Variants in CEP192 observed in about 807,000 individuals in gnomAD.
The protein encoded by CEP192 is centrosomal protein of 192 kDa.
Under a neutral mutation model 271.8 loss-of-function variants are expected in CEP192, and 151 were observed. That is an observed-to-expected ratio of 0.56 (90% CI 0.49 to 0.64). The LOEUF is 0.64. Among genes scored for constraint, CEP192 ranks in the 30% least tolerant of loss-of-function variants. The pLI is 0.00. For synonymous variants in CEP192, 995 were observed against 1,076.5 expected (o/e 0.92, Z 1.48); for missense variants, 2,910 against 3,020.5 (o/e 0.96, Z 0.86).
chr18:13,052,947 G>T lies in CEP192; in HGVS notation c.3046G>T (p.Ala1016Ser). Residue 1016 changes from alanine (A) to serine (S), a missense_variant, in exon 18 of 45, where the codon GCT (alanine) becomes TCT (serine). By Grantham distance (99) the Ala-to-Ser change is moderately conservative (BLOSUM62 1). Transcript: ENST00000506447. Reference sequence around the variant, plus strand: ...TGCGTTAGAGTCCTTTGGTTCAGCAGCTCAGCAGCAGCAGCCTCCCTGTGA... The same window carrying T: ...TGCGTTAGAGTCCTTTGGTTCAGCATCTCAGCAGCAGCAGCCTCCCTGTGA... ...GCALESFGSAAQQQQPPCEQE... is the reference protein window; with the variant it reads ...GCALESFGSASQQQQPPCEQE... 1 of 1,611,536 alleles carries T rather than the reference G, an allele frequency of 6.2e-7. No individual in the cohort carries two copies. Among genetic ancestry groups the T allele is most frequent in the Non-Finnish European group, 8.5e-7 (1 of 1,178,554 alleles).
chr18:13,104,890 G>A, intron 39 of CEP192, 94 bp from the exon 40 acceptor site: 4 of 925,434 alleles, frequency 4.3e-6, no homozygotes, highest in South Asian at 4.1e-5. Context: ...AAGTGTGTTG[G>A]TGTGTTCTCC....
At chr18:13,089,643 T>C in intron 33 of CEP192, 78 bp downstream of exon 33, 3 of 699,994 alleles carry the variant, frequency 4.3e-6, no homozygotes, top group Non-Finnish European at 7.3e-6. Flanking sequence ...TGATGTGATA[T>C]AAGAAGGAAG....
chr18:13,089,682 GT>G (rs1475661825), intron 33 of CEP192, 117 bp downstream of exon 33: 4 of 568,028 alleles, frequency 7.0e-6, no homozygotes, highest in Non-Finnish European at 1.3e-5. Flanking sequence ...GTCAGGCAGA[GT>G]TTGAGCCACA....
rs906783882 is a variant in CEP192, at chr18:13,015,417, T to C, written c.609T>C (p.Leu203=). 2 of 1,551,340 alleles carry C rather than the reference T, an allele frequency of 1.3e-6. No homozygotes were observed. Among genetic ancestry groups the C allele is most frequent in the African/African-American group, 2.7e-5 (2 of 73,040 alleles). ...CTAGCTTATTAGAAAATGAGAAACT[T>C]ATCTTACCGACAAGCTTGGAAGATT... ...SHTSLLENEK[L]ILPTSLEDSS... is the part of the protein sequence containing the mutation. The change falls in exon 6 of 45, where the codon CTT becomes CTC. Residue 203 remains leucine (L), a synonymous_variant. Transcript: ENST00000506447.
Position 13,030,514 on chromosome 18 carries a change from G to A in CEP192, c.1440G>A (p.Trp480Ter). Residue 480 changes from tryptophan (W) to a stop codon, truncating the protein, a stop_gained, in exon 11 of 45, where the codon TGG becomes TGA. Transcript: ENST00000506447. LOFTEE classifies it high-confidence loss of function. Reference protein sequence around the residue: ...SVVYQNEEGRWVTDLAYYTSF... With the variant: ...SVVYQNEEGR ...TCTATCAAAATGAAGAGGGTAGGTG[G>A]GTCACAGACCTTGCCTATTACACAT... is the stretch of plus-strand genomic sequence containing the variant. The A allele has an allele frequency of 6.2e-7, 1 of 1,612,222 alleles. No individual in the cohort carries two copies. The highest frequency in any genetic ancestry group is 8.5e-7 in the Non-Finnish European group (1 of 1,179,036).
intron 30 of CEP192, among the ~76,000 whole-genome samples, chr18:13,082,812 G>C (rs1279815362): frequency 6.6e-6 from 1 of 152,150 alleles, no homozygotes; most frequent in Non-Finnish European, 1.5e-5. Context: ...TGTAAGGCAG[G>C]CCTGGTGGTG....
chr18:13,116,308 AAT>A, intron 42 of CEP192, 67 bp from the exon 43 acceptor site: 1 of 1,417,550 alleles, frequency 7.1e-7, no homozygotes, highest in Non-Finnish European at 9.7e-7. Context: ...ACATAATTTT[AAT>A]ATATAAAAAC....
chr18:13,078,627 T>TTTGTTG (rs376534007), intron 30 of CEP192, among the ~76,000 whole-genome samples: 14 of 151,956 alleles, frequency 9.2e-5, no homozygotes, highest in Admixed American at 2.6e-4. Context: ...TCGCCATTCT[T>TTTGTTG]TTGTTGTTGT....
chr18:13,041,608 C>G (rs893669714), intron 14 of CEP192, among the ~76,000 whole-genome samples: 1 of 147,802 alleles, frequency 6.8e-6, no homozygotes, highest in African/African-American at 2.5e-5. Context: ...GACAGAGTCT[C>G]TCTCTGTCAC....
chr18:13,116,932 G>A (rs1267448155), intron 43 of CEP192, among the ~76,000 whole-genome samples: 7 of 152,022 alleles, frequency 4.6e-5, no homozygotes, highest in Non-Finnish European at 8.8e-5. Flanking sequence ...TTTTAAAAAT[G>A]CAATATAAGG....
At chr18:13,106,201 C>T (rs2039936696) in intron 40 of CEP192, among the ~76,000 whole-genome samples, 2 of 152,082 alleles carry the variant, frequency 1.3e-5, no homozygotes, top group African/African-American at 4.8e-5. Flanking sequence ...ACACCTCAAC[C>T]AAATATATAC....
chr18:13,090,230 C>T (rs1040784181), intron 33 of CEP192, among the ~76,000 whole-genome samples: 1 of 152,014 alleles, frequency 6.6e-6, no homozygotes, highest in African/African-American at 2.4e-5. Context: ...CCTTAATGCC[C>T]AAGAATAGGG....
intron 15 of CEP192, among the ~76,000 whole-genome samples, chr18:13,045,498 G>C (rs2036427159): frequency 6.6e-6 from 1 of 152,160 alleles, no homozygotes; most frequent in Non-Finnish European, 1.5e-5. Context: ...AATATTTTCT[G>C]TACGCTTGTA....
In CEP192 at chr18:13,056,510, CTG is replaced by C. The variant is rs1385730756; in HGVS notation, c.3923_3924del (p.Val1308GlyfsTer22). ...GTTGCAGGAGAGCCTGTGCAGAACT[CTG>C]TGGCTGTGGGAATTTGTCTAGGATC... On this transcript the variant is annotated frameshift_variant, in exon 19 of 45. Transcript: ENST00000506447. LOFTEE classifies it high-confidence loss of function. 2.5e-6 allele frequency: 4 copies of C among 1,614,238 alleles called. No individual in the cohort carries two copies. Among genetic ancestry groups the C allele is most frequent in the South Asian group, 2.2e-5 (2 of 91,082 alleles).
Position 13,059,253 on chromosome 18 carries a change from G to C in CEP192, c.4429G>C (p.Ala1477Pro), listed in dbSNP as rs746306446. Reference protein sequence around the residue: ...CSTDAETIVQAEALASTVTLT... With the variant: ...CSTDAETIVQPEALASTVTLT... ...GACAGATGCTGAGACCATCGTACAG[G>C]CAGAAGCTTTGGCCAGCACCGTCAC... is the stretch of plus-strand genomic sequence containing the variant. The change falls in exon 21 of 45, where the codon GCA becomes CCA. Residue 1477 changes from alanine to proline, a missense_variant. Transcript: ENST00000506447. 6.2e-7 allele frequency: 1 copy of C among 1,614,208 alleles called. No individual in the cohort carries two copies. The highest frequency in any genetic ancestry group is 1.1e-5 in the South Asian group (1 of 91,082).
At chr18:13,049,735 T>C in intron 16 of CEP192, 30 bp from the exon 17 acceptor site, 1 of 1,605,344 alleles carries the variant, frequency 6.2e-7, no homozygotes, top group Non-Finnish European at 8.5e-7. Context: ...TTATTTTCTC[T>C]TCTTACTGGA....
chr18:13,053,639 G>A (rs2036924609), intron 18 of CEP192, among the ~76,000 whole-genome samples: 1 of 152,100 alleles, frequency 6.6e-6, no homozygotes, highest in South Asian at 2.1e-4. Flanking sequence ...TTAAAATACG[G>A]GAGTTTGAAG....
At chr18:13,045,506 G>A (rs1021024198) in intron 15 of CEP192, among the ~76,000 whole-genome samples, 1 of 152,174 alleles carries the variant, frequency 6.6e-6, no homozygotes, top group African/African-American at 2.4e-5. Flanking sequence ...CTGTACGCTT[G>A]TAGGGAATGT....
chr18:13,111,664 A>G (rs1435478384), intron 40 of CEP192, among the ~76,000 whole-genome samples: 1 of 152,244 alleles, frequency 6.6e-6, no homozygotes, highest in African/African-American at 2.4e-5. Flanking sequence ...TCTGTGCTTC[A>G]AACAACACCA....
Sources: gnomAD v4.1 joint callset for allele counts (sites outside exome capture counted in the v4.1 genomes callset) on GRCh38, gnomAD v4.1.1 for gene constraint, MANE v1.5 for transcripts, NCBI Gene and HGNC (gene_info 2026-07-23, HGNC 2026-07-21) for gene names.